The following SLCO5A1 variants were observed in gnomAD, a reference collection of about 807,000 sequenced individuals.
The protein encoded by SLCO5A1 is solute carrier organic anion transporter family member 5A1, also known as organic anion transporter polypeptide-related protein 4.
In SLCO5A1, 39 loss-of-function variants were observed where a neutral mutation model predicts 65.1. The observed-to-expected ratio is 0.60, with a 90% CI of 0.46 to 0.78. The LOEUF (loss-of-function observed/expected upper bound fraction) is 0.78, where lower values mean the gene tolerates loss of function less well. Among genes scored for constraint, SLCO5A1 ranks in the 30% least tolerant of loss-of-function variants. SLCO5A1 has a pLI of 0.00. For synonymous variants in SLCO5A1, 438 were observed against 415.7 expected (o/e 1.05, Z -0.65); for missense variants, 1,029 against 1,069.4 (o/e 0.96, Z 0.53).
At chr8:69,715,791 TTG>T (rs1398843702) in intron 5 of SLCO5A1, among the ~76,000 whole-genome samples, 3 of 152,322 alleles carry the variant, frequency 2.0e-5, no homozygotes, top group East Asian at 3.9e-4. Flanking sequence ...ATTAGACATA[TTG>T]TGTTTCTTTT....
In SLCO5A1 at chr8:69,832,049, C is replaced by A; in HGVS notation, c.625G>T (p.Ala209Ser). The A allele has an allele frequency of 6.2e-7, 1 of 1,612,078 alleles. No homozygotes were observed. The highest frequency in any genetic ancestry group is 8.5e-7 in the Non-Finnish European group (1 of 1,179,402). ...AAGTGAGGTAAGGCGAAGAGGGCTG[C>A]CCCGAAGGCGATGAGGAGTCCACCC... ...AVGGLLIAFG[A>S]ALFALPHFIS... The change falls in exon 2 of 10, where the codon GCA (alanine) becomes TCA (serine). Residue 209 changes from alanine (A) to serine (S), a missense_variant. Ala to Ser is a moderately conservative substitution (Grantham distance 99). Transcript: ENST00000260126. The surrounding 1 kb of genome is among the most constrained non-coding windows in gnomAD (Gnocchi z 4.5).
intron 9 of SLCO5A1, among the ~76,000 whole-genome samples, chr8:69,675,824 C>T (rs912293649): frequency 3.9e-5 from 6 of 152,072 alleles, no homozygotes; most frequent in African/African-American, 1.4e-4. Context: ...GAGAAAATAA[C>T]AGCTGAAGGA....
chr8:69,765,613 C>G (rs1818027271), intron 2 of SLCO5A1, among the ~76,000 whole-genome samples: 1 of 152,168 alleles, frequency 6.6e-6, no homozygotes, highest in Admixed American at 6.5e-5. Context: ...CTCAACTCTT[C>G]CAGTCGAAAA....
chr8:69,679,579 T>G lies in SLCO5A1; in HGVS notation c.1823A>C (p.Gln608Pro). 1 of 1,614,234 alleles carries G rather than the reference T, an allele frequency of 6.2e-7. No homozygotes were observed. Among genetic ancestry groups the G allele is most frequent in the Non-Finnish European group, 8.5e-7 (1 of 1,180,044 alleles). The change falls in exon 8 of 10, where the codon CAA becomes CCA. Residue 608 changes from glutamine to proline, a missense_variant. By Grantham distance (76) the Gln-to-Pro change is moderately conservative. Coordinates refer to ENST00000260126, the MANE Select transcript of SLCO5A1 (RefSeq NM_030958.3). The part of the protein sequence containing the change: ...YTECTCVQSR[Q>P]VITPPTVGQR... The stretch of plus-strand genomic sequence containing the variant: ...TCCCACGGTGGGTGGAGTGATCACT[T>G]GGCGACTTTGGACACAGGTGCATTC...
At chr8:69,707,112 G>A (rs183089927) in intron 5 of SLCO5A1, among the ~76,000 whole-genome samples, 23 of 152,174 alleles carry the variant, frequency 1.5e-4, no homozygotes, top group Admixed American at 5.2e-4. Context: ...AGATCGTGCC[G>A]CTGCACTCCA....
chr8:69,769,016 A>G (rs879357077), intron 2 of SLCO5A1, among the ~76,000 whole-genome samples: 1 of 152,058 alleles, frequency 6.6e-6, no homozygotes, highest in Non-Finnish European at 1.5e-5. Flanking sequence ...TTCTGGTACC[A>G]TCCCTTCAGG....
chr8:69,679,352 C>T, intron 8 of SLCO5A1, 26 bp downstream of exon 8: 1 of 1,613,614 alleles, frequency 6.2e-7, no homozygotes. Context: ...ACAGAACCCA[C>T]CCCAGAAGTT....
chr8:69,730,104 C>G (rs1479275724), intron 5 of SLCO5A1, among the ~76,000 whole-genome samples: 4 of 152,232 alleles, frequency 2.6e-5, no homozygotes, highest in Non-Finnish European at 4.4e-5. Context: ...GGAATGATCA[C>G]TCACATTTTA....
At chr8:69,703,399 A>T (rs1814835186) in intron 6 of SLCO5A1, among the ~76,000 whole-genome samples, 1 of 152,082 alleles carries the variant, frequency 6.6e-6, no homozygotes, top group Non-Finnish European at 1.5e-5. Flanking sequence ...ACTAAAAATT[A>T]ACTGGGCACG....
At chr8:69,694,997 G>A (rs929171692) in intron 6 of SLCO5A1, among the ~76,000 whole-genome samples, 8 of 152,168 alleles carry the variant, frequency 5.3e-5, no homozygotes, top group African/African-American at 1.9e-4. Flanking sequence ...CTGAGCAGAG[G>A]TAGGTGCCAG....
rs2130931789 is a variant in SLCO5A1 at position 69,832,410 on chromosome 8, A to G, written c.264T>C (p.Thr88=). ...PLAPSPSAPS[T]SAGLGDCNHR... is the part of the protein sequence containing the mutation. ...GGTTACAGTCCCCGAGCCCCGCCGA[A>G]GTGGACGGGGCAGAGGGACTGGGGG... The change falls in exon 2 of 10, where the codon ACT becomes ACC. Residue 88 remains threonine (T), a synonymous_variant. Coordinates refer to ENST00000260126, the MANE Select transcript of SLCO5A1 (RefSeq NM_030958.3). This position sits in a 1 kb window ranked among gnomAD's most constrained non-coding sequence, Gnocchi z 4.5. 1 of 1,612,108 alleles carries G rather than the reference A, an allele frequency of 6.2e-7. No individual in the cohort carries two copies. Among genetic ancestry groups the G allele is most frequent in the Middle Eastern group, 1.7e-4 (1 of 6,040 alleles).
chr8:69,775,085 C>T (rs911109152), intron 2 of SLCO5A1, among the ~76,000 whole-genome samples: 7 of 152,090 alleles, frequency 4.6e-5, no homozygotes, highest in Admixed American at 2.6e-4. Context: ...ACAGCTGCCA[C>T]GGCAGTCAGG....
intron 3 of SLCO5A1, chr8:69,761,541 C>T (rs1421815901): frequency 8.8e-6 from 5 of 567,468 alleles, no homozygotes; most frequent in Non-Finnish European, 1.5e-5. Context: ...TCCCTCTTGC[C>T]ATGTAAGATA....
chr8:69,702,831 G>A (rs1047565308), intron 6 of SLCO5A1, among the ~76,000 whole-genome samples: 1 of 152,150 alleles, frequency 6.6e-6, no homozygotes, highest in Admixed American at 6.6e-5. Flanking sequence ...AAGGTTGGCT[G>A]GGCACAGTGG....
At chr8:69,768,141 G>T (rs1301998081) in intron 2 of SLCO5A1, among the ~76,000 whole-genome samples, 1 of 152,136 alleles carries the variant, frequency 6.6e-6, no homozygotes, top group Non-Finnish European at 1.5e-5. Flanking sequence ...GCTGAAGTGG[G>T]AGGATCACCT....
intron 2 of SLCO5A1, among the ~76,000 whole-genome samples, chr8:69,807,526 G>A (rs575508861): frequency 4.6e-5 from 7 of 152,090 alleles, no homozygotes; most frequent in Non-Finnish European, 8.8e-5. Context: ...GCCCTCTCCC[G>A]CACAGCCTCT....
chr8:69,746,075 T>A (rs1307150073), intron 4 of SLCO5A1, among the ~76,000 whole-genome samples: 1 of 152,202 alleles, frequency 6.6e-6, no homozygotes, highest in Non-Finnish European at 1.5e-5. Context: ...CTTCTTAGAA[T>A]GTGCATATCT....
At chr8:69,812,647 C>T (rs1487713888) in intron 2 of SLCO5A1, among the ~76,000 whole-genome samples, 3 of 152,150 alleles carry the variant, frequency 2.0e-5, no homozygotes, top group Non-Finnish European at 4.4e-5. Context: ...GAGAACTTTG[C>T]ACAACCAAAA....
At chr8:69,705,802 G>A (rs80070825) in intron 5 of SLCO5A1, among the ~76,000 whole-genome samples, 3 of 152,178 alleles carry the variant, frequency 2.0e-5, no homozygotes, top group Admixed American at 6.5e-5. Context: ...AATACCACAC[G>A]TTAAAGATGT....
Sources: allele counts gnomAD v4.1 joint callset (sites outside exome capture counted in the v4.1 genomes callset), GRCh38; gene constraint gnomAD v4.1.1; non-coding constraint Gnocchi (gnomAD v3.1); transcripts MANE v1.5; gene names NCBI Gene and HGNC (gene_info 2026-07-23, HGNC 2026-07-21).